PDE1C: variants seen among roughly 807,000 people sequenced by gnomAD.
PDE1C encodes the protein dual specificity calcium/calmodulin-dependent 3',5'-cyclic nucleotide phosphodiesterase 1C.
Under a neutral mutation model 93.1 loss-of-function variants are expected in PDE1C, and 62 were observed. The ratio of observed to expected loss-of-function variants is 0.67; its 90% CI spans 0.54 to 0.82. The LOEUF is 0.82. PDE1C is among the 40% of genes least tolerant of loss of function. The pLI is 0.00. For synonymous variants in PDE1C, 325 were observed against 310.1 expected (o/e 1.05, Z -0.50); for missense variants, 742 against 884.6 (o/e 0.84, Z 2.04).
intron 3 of PDE1C, among the ~76,000 whole-genome samples, chr7:32,106,790 A>G (rs1260841169): frequency 6.8e-6 from 1 of 147,558 alleles, no homozygotes; most frequent in Non-Finnish European, 1.5e-5. Flanking sequence ...AAAAAATTAT[A>G]AGCCATGCTA....
chr7:31,992,153 C>A (rs1281229580), intron 2 of PDE1C, among the ~76,000 whole-genome samples: 1 of 152,196 alleles, frequency 6.6e-6, no homozygotes, highest in Non-Finnish European at 1.5e-5. Context: ...GGGAGAAGAG[C>A]AGTACTGAGG....
At chr7:32,296,319 A>ACAGAT (rs1260070074) in intron 1 of PDE1C, among the ~76,000 whole-genome samples, 1 of 152,252 alleles carries the variant, frequency 6.6e-6, no homozygotes, top group Non-Finnish European at 1.5e-5. Flanking sequence ...TTCCTTGAAC[A>ACAGAT]CAGATTCTAA....
intron 1 of PDE1C, among the ~76,000 whole-genome samples, chr7:32,400,820 A>G (rs114113862): frequency 0.019 from 2,958 of 152,348 alleles, 102 homozygotes; most frequent in African/African-American, 0.068. Context: ...CAGGGCCACA[A>G]TACAGAAGGT....
chr7:32,065,057 G>GC (rs1315498738), intron 1 of PDE1C, among the ~76,000 whole-genome samples: 1 of 143,688 alleles, frequency 7.0e-6, no homozygotes, highest in Admixed American at 7.1e-5. Context: ...GCGGTGGGGG[G>GC]GGGGGGGAGG....
the PDE1C span, among the ~76,000 whole-genome samples, chr7:31,674,794 C>A: frequency 3.9e-5 from 6 of 152,232 alleles, no homozygotes; most frequent in Non-Finnish European, 7.4e-5. Flanking sequence ...AATGGGAGGG[C>A]AAATCTGTGA....
chr7:31,991,593 G>A lies in PDE1C; in HGVS notation c.128+59961C>T, dbSNP rs897350507. ...ATGCACCTCCGTAAAGCCTGGGACC[G>A]AGCAGGTGCTCAGTAAATAATGGCT... On this transcript the variant is annotated intron_variant, in intron 2 of 17. Coordinates refer to ENST00000396191, the MANE Select transcript of PDE1C (RefSeq NM_001191057.4). Among the ~76,000 whole-genome samples, 3 of 152,202 alleles carry A rather than the reference G, an allele frequency of 2.0e-5. No homozygotes were observed. In the South Asian group the frequency reaches 6.2e-4, roughly 32 times the overall value.
intron 2 of PDE1C, among the ~76,000 whole-genome samples, chr7:31,923,667 C>T (rs2128963160): frequency 6.6e-6 from 1 of 152,214 alleles, no homozygotes; most frequent in East Asian, 1.9e-4. Context: ...AAGTTAGAAG[C>T]CTATGGGAGC....
At chr7:31,699,109 A>G in the PDE1C span, among the ~76,000 whole-genome samples, 1 of 152,174 alleles carries the variant, frequency 6.6e-6, no homozygotes, top group African/African-American at 2.4e-5. Context: ...AGGGAAAAGG[A>G]GGTTTCTCTA....
intron 3 of PDE1C, among the ~76,000 whole-genome samples, chr7:32,107,824 A>G (rs1346524706): frequency 6.6e-6 from 1 of 152,152 alleles, no homozygotes; most frequent in Non-Finnish European, 1.5e-5. Context: ...TAAGGATCAT[A>G]GCTTATGAAA....
intron 1 of PDE1C, among the ~76,000 whole-genome samples, chr7:32,362,392 A>T (rs1784153252): frequency 6.6e-6 from 1 of 152,100 alleles, no homozygotes; most frequent in African/African-American, 2.4e-5. Context: ...TTCTCTGAGT[A>T]GGTCACATCT....
intron 1 of PDE1C, among the ~76,000 whole-genome samples, chr7:32,390,285 A>G (rs1784725255): frequency 1.3e-5 from 2 of 152,108 alleles, no homozygotes; most frequent in African/African-American, 4.8e-5. Flanking sequence ...ATTGTGATAA[A>G]TTAAGATGCA....
intron 2 of PDE1C, among the ~76,000 whole-genome samples, chr7:32,188,820 C>T (rs1273566353): frequency 6.6e-6 from 1 of 152,078 alleles, no homozygotes; most frequent in Non-Finnish European, 1.5e-5. Flanking sequence ...TCATAAAGAG[C>T]TTGTTAATTT....
intron 16 of PDE1C, among the ~76,000 whole-genome samples, chr7:31,776,953 A>G (rs1783024452): frequency 7.2e-6 from 1 of 139,152 alleles, no homozygotes. Context: ...CTATGTGTCA[A>G]TATAGTCACT....
Position 31,753,203 on chromosome 7 carries a change from A to G in PDE1C, c.*181T>C, listed in dbSNP as rs1470162221. The stretch of plus-strand genomic sequence containing the variant: ...CCCACATACAGCAATTGAAAAGTCT[A>G]TACAAGAACAACAAAGAGGAAAATC... On this transcript the variant is annotated 3_prime_UTR_variant, in exon 18 of 18. Coordinates refer to ENST00000396191, the MANE Select transcript of PDE1C (RefSeq NM_001191057.4). The G allele has an allele frequency of 2.7e-5, 19 of 713,376 alleles. No individual in the cohort carries two copies. Among genetic ancestry groups the G allele is most frequent in the Non-Finnish European group, 3.9e-5 (18 of 458,156 alleles). 44.2% of individuals were successfully genotyped at this position (713,376 alleles called of 1,614,324 possible). A position where few individuals can be genotyped will look rare whatever the true frequency, so the allele number is the denominator to read the frequency against.
chr7:31,819,909 A>G (rs1343508213), intron 14 of PDE1C, among the ~76,000 whole-genome samples: 1 of 152,170 alleles, frequency 6.6e-6, no homozygotes, highest in Admixed American at 6.6e-5. Context: ...AAAATACTAT[A>G]TGAATTTTGA....
chr7:31,919,344 G>A (rs993665671), intron 2 of PDE1C, among the ~76,000 whole-genome samples: 3 of 152,104 alleles, frequency 2.0e-5, no homozygotes, highest in Admixed American at 6.5e-5. Flanking sequence ...ACTTAACCTC[G>A]ATGTGTCTCA....
intron 2 of PDE1C, among the ~76,000 whole-genome samples, chr7:32,202,041 C>A (rs958620959): frequency 6.6e-6 from 1 of 152,208 alleles, no homozygotes; most frequent in Admixed American, 6.5e-5. Context: ...CAGGTACTCA[C>A]GGAAGCATCA....
intron 16 of PDE1C, chr7:31,788,677 C>A (rs534382300): frequency 3.3e-5 from 5 of 152,204 alleles, no homozygotes; most frequent in Middle Eastern, 3.4e-3. Flanking sequence ...CTGCTAGGCC[C>A]CTGAAGTCAT....
chr7:32,214,807 C>T (rs533231158), intron 1 of PDE1C, among the ~76,000 whole-genome samples: 2 of 152,294 alleles, frequency 1.3e-5, no homozygotes, highest in East Asian at 3.9e-4. Flanking sequence ...TTGCCTCTAT[C>T]CTTCAGCATA....
Sources: allele counts gnomAD v4.1 joint callset (sites outside exome capture counted in the v4.1 genomes callset), GRCh38; gene constraint gnomAD v4.1.1; transcripts MANE v1.5; gene names NCBI Gene and HGNC (gene_info 2026-07-23, HGNC 2026-07-21).